The following CTNND2 variants were observed in gnomAD, a reference collection of about 807,000 sequenced individuals.
The protein encoded by CTNND2 is catenin delta-2.
A neutral mutation model predicts 144.4 loss-of-function variants in CTNND2; 22 were observed. The observed-to-expected ratio is 0.15, with a 90% CI of 0.11 to 0.22. CTNND2 has a LOEUF of 0.22. Ranked by LOEUF, CTNND2 falls within the 10% of genes least tolerant of loss-of-function variation. The pLI is 1.00. For missense variants in CTNND2, 1,353 were observed against 1,618.8 expected, an observed-to-expected ratio of 0.84 and a Z score of 2.82; for synonymous variants, 751 against 695.6, an observed-to-expected ratio of 1.08 and a Z score of -1.25.
intron 2 of CTNND2, among the ~76,000 whole-genome samples, chr5:11,567,044 G>C (rs1219237296): frequency 6.6e-6 from 1 of 152,118 alleles, no homozygotes; most frequent in Non-Finnish European, 1.5e-5. Context: ...TTTGGAAGAC[G>C]TTTTTGCTCT....
intron 2 of CTNND2, among the ~76,000 whole-genome samples, chr5:11,601,246 TTC>T: frequency 6.6e-6 from 1 of 152,206 alleles, no homozygotes; most frequent in South Asian, 2.1e-4. Context: ...ATCACATTGT[TTC>T]TGTTTCCCAT....
intron 2 of CTNND2, among the ~76,000 whole-genome samples, chr5:11,595,857 A>C (rs528519772): frequency 1.3e-5 from 2 of 152,236 alleles, no homozygotes; most frequent in East Asian, 3.8e-4. Flanking sequence ...ACATTAATTA[A>C]TTAGAGGTAA....
chr5:11,613,112 T>G (rs1780414471), intron 2 of CTNND2, among the ~76,000 whole-genome samples: 1 of 152,216 alleles, frequency 6.6e-6, no homozygotes, highest in African/African-American at 2.4e-5. Flanking sequence ...ACAGCTTCTT[T>G]GTGACATTTT....
chr5:11,459,949 G>A (rs756974938), intron 3 of CTNND2, among the ~76,000 whole-genome samples: 30 of 152,162 alleles, frequency 2.0e-4, no homozygotes, highest in Non-Finnish European at 8.8e-5. Context: ...CAAGTAATCT[G>A]ATTAAATGAC....
At chr5:11,112,049 C>A (rs1258119355) in intron 13 of CTNND2, among the ~76,000 whole-genome samples, 1 of 152,042 alleles carries the variant, frequency 6.6e-6, no homozygotes, top group African/African-American at 2.4e-5. Flanking sequence ...TGGGGTTTCA[C>A]TGTGTTAGCC....
intron 1 of CTNND2, among the ~76,000 whole-genome samples, chr5:11,779,633 T>C (rs1358642029): frequency 6.6e-6 from 1 of 152,228 alleles, no homozygotes. Context: ...TCTCCTGCAC[T>C]TCAAATATCT....
intron 16 of CTNND2, among the ~76,000 whole-genome samples, chr5:11,025,704 C>T (rs886643503): frequency 1.3e-5 from 2 of 152,178 alleles, no homozygotes; most frequent in Non-Finnish European, 2.9e-5. Context: ...ATGTTCTCTT[C>T]TTCTAGACTT....
At chr5:11,666,225 G>C (rs1234744719) in intron 2 of CTNND2, among the ~76,000 whole-genome samples, 1 of 152,166 alleles carries the variant, frequency 6.6e-6, no homozygotes, top group African/African-American at 2.4e-5. Flanking sequence ...GAGGTAATTC[G>C]AGGCTGTAGT....
intron 3 of CTNND2, among the ~76,000 whole-genome samples, chr5:11,522,885 T>C (rs1050602432): frequency 7.9e-5 from 12 of 152,202 alleles, no homozygotes; most frequent in African/African-American, 2.9e-4. Context: ...CACATACACA[T>C]GTATTTTTGC....
intron 9 of CTNND2, among the ~76,000 whole-genome samples, chr5:11,341,809 A>T (rs1375492664): frequency 6.6e-6 from 1 of 152,138 alleles, no homozygotes. Context: ...GGAGTTCAAG[A>T]CCAGCCTGGG....
chr5:11,675,423 T>G (rs913085689), intron 2 of CTNND2, among the ~76,000 whole-genome samples: 3 of 152,048 alleles, frequency 2.0e-5, no homozygotes, highest in African/African-American at 4.8e-5. Flanking sequence ...TGTTAGCAAG[T>G]GCAGTGGGAG....
chr5:11,398,557 C>T (rs149653217), intron 5 of CTNND2, among the ~76,000 whole-genome samples: 1 of 151,192 alleles, frequency 6.6e-6, no homozygotes, highest in East Asian at 1.9e-4. Flanking sequence ...TTAACTAGTA[C>T]AGTTATTTTG....
chr5:11,158,576 A>G (rs569084787), intron 12 of CTNND2, among the ~76,000 whole-genome samples: 7 of 152,286 alleles, frequency 4.6e-5, no homozygotes, highest in Non-Finnish European at 7.4e-5. Context: ...ATTTCACACA[A>G]ACACATACCG....
chr5:11,419,069 T>TAG (rs59223950), intron 3 of CTNND2, among the ~76,000 whole-genome samples: 19 of 148,484 alleles, frequency 1.3e-4, no homozygotes, highest in South Asian at 4.3e-4. Flanking sequence ...GATATATATA[T>TAG]AGAGAGAGAG....
At chr5:11,479,525 T>C (rs1323254031) in intron 3 of CTNND2, among the ~76,000 whole-genome samples, 7 of 152,206 alleles carry the variant, frequency 4.6e-5, no homozygotes, top group Non-Finnish European at 1.0e-4. Context: ...AGTAATAAGA[T>C]TGCTGCGTCC....
At chr5:11,633,677 A>G (rs1476170470) in intron 2 of CTNND2, among the ~76,000 whole-genome samples, 1 of 151,866 alleles carries the variant, frequency 6.6e-6, no homozygotes, top group Non-Finnish European at 1.5e-5. Context: ...TATGGAGGCT[A>G]AGGCAGGAGA....
At chr5:11,426,029 C>CT (rs1177058352) in intron 3 of CTNND2, among the ~76,000 whole-genome samples, 1 of 152,050 alleles carries the variant, frequency 6.6e-6, no homozygotes, top group African/African-American at 2.4e-5. Context: ...AGCCAGAATC[C>CT]TTTTTTTCCC....
chr5:11,782,155 T>G (rs1041808763), intron 1 of CTNND2, among the ~76,000 whole-genome samples: 14 of 152,366 alleles, frequency 9.2e-5, no homozygotes, highest in Admixed American at 6.5e-4. Flanking sequence ...GTTCCTCCTT[T>G]GTCTTCCACC....
rs1581107700 is a variant in CTNND2, at chr5:11,397,084, G to C, written c.559C>G (p.Gln187Glu). Residue 187 changes from glutamine to glutamate, a missense_variant, in exon 6 of 22, where the codon CAG becomes GAG. By Grantham distance (29) the Gln-to-Glu change is conservative (BLOSUM62 2). Around this residue, in one of 4 missense-constraint regions of CTNND2, gnomAD observed 708 missense variants for 706.4 expected, o/e 1.00. Transcript: ENST00000304623. Reference sequence around the variant, plus strand: ...GCTTGTGTGCCTCGGGCCGGGAGCTGTGAAGGGGTGGTTTCCCCCAGGGCC... The same window carrying C: ...GCTTGTGTGCCTCGGGCCGGGAGCTCTGAAGGGGTGGTTTCCCCCAGGGCC... ...TLALGETTPS[Q>E]LPARGTQARA... is the part of the protein sequence containing the mutation. The C allele has an allele frequency of 6.2e-7, 1 of 1,614,104 alleles. No homozygotes were observed. Among genetic ancestry groups the C allele is most frequent in the East Asian group, 2.2e-5 (1 of 44,862 alleles).
Sources: gnomAD v4.1 joint callset for allele counts (sites outside exome capture counted in the v4.1 genomes callset) on GRCh38, gnomAD v4.1.1 for gene constraint, gnomAD v4.1.1 regional missense constraint, MANE v1.5 for transcripts, NCBI Gene and HGNC (gene_info 2026-07-23, HGNC 2026-07-21) for gene names.